The following NECAB1 variants were observed in gnomAD, a reference collection of about 807,000 sequenced individuals.
NECAB1 encodes the protein N-terminal EF-hand calcium binding protein 1, also known as N-terminal EF-hand calcium-binding protein 1.
A neutral mutation model predicts 57.5 loss-of-function variants in NECAB1; 29 were observed. That is an observed-to-expected ratio of 0.50 (90% CI 0.38 to 0.69). The LOEUF (loss-of-function observed/expected upper bound fraction) is 0.69, where lower values mean the gene tolerates loss of function less well. Among genes scored for constraint, NECAB1 ranks in the 30% least tolerant of loss-of-function variants. NECAB1 has a pLI of 0.00. For missense variants in NECAB1, 372 were observed against 413.8 expected (o/e 0.90, Z 0.88); for synonymous variants, 142 against 147.7 (o/e 0.96, Z 0.28).
At chr8:90,849,090 A>G (rs1216190485) in intron 3 of NECAB1, among the ~76,000 whole-genome samples, 11 of 152,196 alleles carry the variant, frequency 7.2e-5, no homozygotes, top group African/African-American at 2.4e-4. Flanking sequence ...GGAAGCTACA[A>G]TTCAAGGTGA....
chr8:90,880,596 T>A (rs1169617064), intron 4 of NECAB1, among the ~76,000 whole-genome samples: 1 of 151,688 alleles, frequency 6.6e-6, no homozygotes, highest in Non-Finnish European at 1.5e-5. Context: ...GACCCTCTCA[T>A]GTTTTGCATC....
intron 4 of NECAB1, among the ~76,000 whole-genome samples, chr8:90,876,038 G>C (rs2129861174): frequency 6.6e-6 from 1 of 151,958 alleles, no homozygotes; most frequent in South Asian, 2.1e-4. Context: ...ATAAAGTAAA[G>C]TAAAATAAAA....
intron 3 of NECAB1, among the ~76,000 whole-genome samples, chr8:90,854,519 G>C (rs1812755576): frequency 6.6e-6 from 1 of 152,168 alleles, no homozygotes. Context: ...CTGAAAACCT[G>C]TCCCCTAATC....
At chr8:90,887,407 T>C (rs938665054) in intron 5 of NECAB1, among the ~76,000 whole-genome samples, 1 of 152,180 alleles carries the variant, frequency 6.6e-6, no homozygotes, top group Non-Finnish European at 1.5e-5. Flanking sequence ...AAACCAAACA[T>C]AGTTTTAAAA....
intron 12 of NECAB1, among the ~76,000 whole-genome samples, chr8:90,955,113 TA>T (rs1412588377): frequency 0.026 from 256 of 9,764 alleles, 3 homozygotes; most frequent in Admixed American, 0.064. Context: ...GTATATAAAT[TA>T]TATATATATA....
chr8:90,791,803 A>AAGCAGCAGCTGCGGCCGCGC lies in NECAB1; in HGVS notation c.-83_-64dup. 1 of 1,122,644 alleles carries AAGCAGCAGCTGCGGCCGCGC rather than the reference A, an allele frequency of 8.9e-7. No individual in the cohort carries two copies. The highest frequency in any genetic ancestry group is 1.3e-6 in the Non-Finnish European group (1 of 780,428). The allele number at this position is 1,122,644 out of a possible 1,614,324, so 69.5% of individuals were successfully genotyped here. A position where few individuals can be genotyped will look rare whatever the true frequency, so the allele number is the denominator to read the frequency against. Reference sequence around the variant, plus strand: ...CCGGATCCAGAGCCCGGCGGCGGCGAAGCAGCAGCTGCGGCCGCGCCCTTG... The same window carrying AAGCAGCAGCTGCGGCCGCGC: ...CCGGATCCAGAGCCCGGCGGCGGCGAAGCAGCAGCTGCGGCCGCGCAGCAGCAGCTGCGGCCGCGCCCTTG... On this transcript the variant is annotated 5_prime_UTR_variant, in exon 1 of 13. Coordinates refer to ENST00000417640, the MANE Select transcript of NECAB1 (RefSeq NM_022351.5).
At chr8:90,865,129 G>C (rs1272547596) in intron 3 of NECAB1, among the ~76,000 whole-genome samples, 3 of 152,070 alleles carry the variant, frequency 2.0e-5, no homozygotes, top group African/African-American at 7.2e-5. Flanking sequence ...ACAAATATGA[G>C]AAGTAGCAGG....
chr8:90,865,252 C>G (rs1586069110), intron 3 of NECAB1, among the ~76,000 whole-genome samples: 1 of 152,120 alleles, frequency 6.6e-6, no homozygotes, highest in African/African-American at 2.4e-5. Context: ...CGTTTTCTCT[C>G]TCATACATGA....
In NECAB1 at chr8:90,853,507, A is replaced by T. The variant is rs563124346; in HGVS notation, c.234-18621A>T. ...AACTGAACTTGAGAATGATTGAGTA[A>T]CTTGCTTAAATCTTGTTTTTTTCAT... On this transcript the variant is annotated intron_variant, in intron 3 of 12. Transcript: ENST00000417640. 2.0e-5 allele frequency among the ~76,000 whole-genome samples: 3 copies of T among 152,274 alleles called. No individual in the cohort carries two copies. The South Asian group carries it at 6.2e-4, about 32-fold the overall frequency.
chr8:90,950,990 T>C (rs1475745910), intron 11 of NECAB1, 123 bp from the exon 12 acceptor site: 1 of 453,586 alleles, frequency 2.2e-6, no homozygotes, highest in Non-Finnish European at 3.8e-6. Flanking sequence ...GAAGCTTGTA[T>C]CCAGGAGCTT....
intron 10 of NECAB1, 74 bp downstream of exon 10, chr8:90,940,972 C>T: frequency 9.0e-7 from 1 of 1,107,576 alleles, no homozygotes; most frequent in African/African-American, 1.6e-5. Flanking sequence ...TTACTTTAGA[C>T]AAGGCTGGGG....
chr8:90,844,595 C>G (rs969927387), intron 3 of NECAB1, among the ~76,000 whole-genome samples: 1 of 152,148 alleles, frequency 6.6e-6, no homozygotes, highest in Non-Finnish European at 1.5e-5. Flanking sequence ...GTAGGGCTCT[C>G]CCACCCGCAA....
At chr8:90,928,713 G>A (rs561309540) in intron 8 of NECAB1, among the ~76,000 whole-genome samples, 2 of 152,238 alleles carry the variant, frequency 1.3e-5, no homozygotes, top group African/African-American at 4.8e-5. Flanking sequence ...AATTAATTCA[G>A]GAAAATGGCA....
intron 2 of NECAB1, 108 bp downstream of exon 2, chr8:90,801,823 A>C: frequency 1.4e-6 from 1 of 726,806 alleles, no homozygotes; most frequent in Non-Finnish European, 2.2e-6. Context: ...TACATATAAA[A>C]TACTACCTTA....
chr8:90,803,458 C>T (rs1401774516), intron 2 of NECAB1, among the ~76,000 whole-genome samples: 1 of 152,166 alleles, frequency 6.6e-6, no homozygotes, highest in East Asian at 1.9e-4. Flanking sequence ...TAGGTCCACC[C>T]TTACCTTTGT....
chr8:90,839,456 G>C (rs1200593373), intron 3 of NECAB1, among the ~76,000 whole-genome samples: 1 of 152,172 alleles, frequency 6.6e-6, no homozygotes, highest in Non-Finnish European at 1.5e-5. Flanking sequence ...GGTAAACAAG[G>C]GATTTATAGT....
chr8:90,800,729 G>A (rs2130643106), intron 1 of NECAB1, among the ~76,000 whole-genome samples: 1 of 152,220 alleles, frequency 6.6e-6, no homozygotes, highest in East Asian at 1.9e-4. Flanking sequence ...GCAGAAAGAA[G>A]AGTATGTCTC....
chr8:90,916,100 C>A (rs1412568587), intron 5 of NECAB1, among the ~76,000 whole-genome samples: 2 of 152,196 alleles, frequency 1.3e-5, no homozygotes, highest in Non-Finnish European at 2.9e-5. Flanking sequence ...TCAATCCAAT[C>A]AAGTTTACAC....
chr8:90,955,341 TAGTC>T, intron 12 of NECAB1, 142 bp from the exon 13 acceptor site: 1 of 558,874 alleles, frequency 1.8e-6, no homozygotes, highest in African/African-American at 2.0e-5. Context: ...TTGCCTCAAA[TAGTC>T]AGGAAATGGT....
Sources: allele counts gnomAD v4.1 joint callset (sites outside exome capture counted in the v4.1 genomes callset), GRCh38; gene constraint gnomAD v4.1.1; transcripts MANE v1.5; gene names NCBI Gene and HGNC (gene_info 2026-07-23, HGNC 2026-07-21).